CDPF1: variants seen among roughly 807,000 people sequenced by gnomAD.
CDPF1 encodes the protein cysteine rich DPF motif domain containing 1.
Under a neutral mutation model 8.3 loss-of-function variants are expected in CDPF1, and 8 were observed. The observed-to-expected ratio is 0.96, with a 90% CI of 0.57 to 1.74. The LOEUF is 1.74. CDPF1 is among the 40% of genes most tolerant of loss of function. The pLI, the probability that CDPF1 is intolerant of heterozygous loss-of-function variation, is 0.00. For missense variants in CDPF1, 151 were observed against 155.3 expected, an observed-to-expected ratio of 0.97 and a Z score of 0.15; for synonymous variants, 62 against 62.9, an observed-to-expected ratio of 0.99 and a Z score of 0.07.
In CDPF1 at chr22:46,250,266, G is replaced by C. The variant is rs1936559399; in HGVS notation, c.-11C>G. 1 of 152,418 alleles carries C rather than the reference G, an allele frequency of 6.6e-6. No individual in the cohort carries two copies. The highest frequency in any genetic ancestry group is 2.1e-4 in the South Asian group (1 of 4,836). 9.4% of individuals were successfully genotyped at this position (152,418 alleles called of 1,614,324 possible). On this transcript the variant is annotated 5_prime_UTR_variant, in exon 1 of 4. Coordinates refer to ENST00000314567, the MANE Select transcript of CDPF1 (RefSeq NM_207327.5). ...CCACCTCGAACTCACCGCCGCCCTC[G>C]TCCCACGGCTCCGCGTCCAAGGCGC...
rs781296839 is a variant in CDPF1, at chr22:46,245,219, G to C, written c.245C>G (p.Ser82Cys). Reference protein sequence around the residue: ...CVGPECSLFYSKRFCLPCVRE... With the variant: ...CVGPECSLFYCKRFCLPCVRE... ...GACACAAGGGAGGCAGAATCTCTTG[G>C]AGTAGAATAAACTGCATTCCTTAAA... Residue 82 changes from serine to cysteine, a missense_variant, in exon 4 of 4, where the codon TCC (serine) becomes TGC (cysteine). By Grantham distance (112) the Ser-to-Cys change is moderately radical. Coordinates refer to ENST00000314567, the MANE Select transcript of CDPF1 (RefSeq NM_207327.5). The surrounding 1 kb of genome is among the most constrained non-coding windows in gnomAD (Gnocchi z 6.9). 1 of 1,614,162 alleles carries C rather than the reference G, an allele frequency of 6.2e-7. No homozygotes were observed. Among genetic ancestry groups the C allele is most frequent in the Non-Finnish European group, 8.5e-7 (1 of 1,179,996 alleles).
Position 46,250,277 on chromosome 22 carries a change from C to T in CDPF1, c.-22G>A, listed in dbSNP as rs1936559772. The T allele has an allele frequency of 6.6e-6, 1 of 152,488 alleles. No individual in the cohort carries two copies. The highest frequency in any genetic ancestry group is 2.1e-4 in the South Asian group (1 of 4,842). The allele number at this position is 152,488 out of a possible 1,614,324, so 9.4% of individuals were successfully genotyped here. A position where few individuals can be genotyped will look rare whatever the true frequency, so the allele number is the denominator to read the frequency against. On this transcript the variant is annotated 5_prime_UTR_variant, in exon 1 of 4. Transcript: ENST00000314567. ...TCACCGCCGCCCTCGTCCCACGGCTCCGCGTCCAAGGCGCCTGAGCGGCCC... is the reference window on the plus strand; with the variant it reads ...TCACCGCCGCCCTCGTCCCACGGCTTCGCGTCCAAGGCGCCTGAGCGGCCC...
Position 46,245,099 on chromosome 22 carries a change from C to T in CDPF1, c.365G>A (p.Arg122Gln), listed in dbSNP as rs778665135. 1.4e-5 allele frequency: 23 copies of T among 1,614,028 alleles called. No homozygotes were observed. Among genetic ancestry groups the T allele is most frequent in the Admixed American group, 8.3e-5 (5 of 60,008 alleles). The change falls in exon 4 of 4, where the codon CGG becomes CAG. Residue 122 changes from arginine to glutamine, a missense_variant. Physicochemically the swap from Arg to Gln is conservative, Grantham distance 43. Coordinates refer to ENST00000314567, the MANE Select transcript of CDPF1 (RefSeq NM_207327.5). This position sits in a 1 kb window ranked among gnomAD's most constrained non-coding sequence, Gnocchi z 6.9. ...SKRTPSQPGS[R>Q]T ...ACCTAGCCCCAGTTGCACTCACGTC[C>T]GAGAACCGGGCTGGCTGGGGGTCCT...
chr22:46,246,977 T>A lies in CDPF1; in HGVS notation c.225+133A>T. On this transcript the variant is annotated intron_variant, in intron 3 of 3. Coordinates refer to ENST00000314567, the MANE Select transcript of CDPF1 (RefSeq NM_207327.5). This position sits in a 1 kb window ranked among gnomAD's most constrained non-coding sequence, Gnocchi z 7.1. The stretch of plus-strand genomic sequence containing the variant: ...CTAGCTTGCCCTCTCACCTCTCCCC[T>A]TCATCAGCTGAGGGGCCCCATCTAT... 8.0e-7 allele frequency: 1 copy of A among 1,242,684 alleles called. No homozygotes were observed. The highest frequency in any genetic ancestry group is 1.1e-6 in the Non-Finnish European group (1 of 889,966). 77.0% of individuals were successfully genotyped at this position (1,242,684 alleles called of 1,614,324 possible).
rs764718994 is a variant in CDPF1, at chr22:46,247,222, C to G, written c.114-1G>C. 2 of 1,607,278 alleles carry G rather than the reference C, an allele frequency of 1.2e-6. No individual in the cohort carries two copies. Among genetic ancestry groups the G allele is most frequent in the South Asian group, 2.2e-5 (2 of 90,754 alleles). The stretch of plus-strand genomic sequence containing the variant: ...CATGACATAGCTTTCCTCCAGGAGG[C>G]TGCAGGAGAGTGAATGCAGCGTCAG... On this transcript the variant is annotated splice_acceptor_variant, in intron 2 of 3. Transcript: ENST00000314567. LOFTEE classifies it high-confidence loss of function. This position sits in a 1 kb window ranked among gnomAD's most constrained non-coding sequence, Gnocchi z 4.3.
At position 46,249,657 on chromosome 22, in the gene CDPF1, AAAAATT is replaced by A. The variant is rs1251533447; in HGVS notation, c.-1+593_-1+598del. Among the ~76,000 whole-genome samples the A allele has an allele frequency of 6.6e-6, 1 of 151,986 alleles. No homozygotes were observed. Among genetic ancestry groups the A allele is most frequent in the Non-Finnish European group, 1.5e-5 (1 of 67,998 alleles). The stretch of plus-strand genomic sequence containing the variant: ...GGGCGAGACTCCTTCTCAAAAAAAT[AAAAATT>A]AAAATTAAATAAAATAAAATATTAG... On this transcript the variant is annotated intron_variant, in intron 1 of 3. Transcript: ENST00000314567. This position sits in a 1 kb window ranked among gnomAD's most constrained non-coding sequence, Gnocchi z 4.6.
rs530465519 is a variant in CDPF1, at chr22:46,245,757, C to T, written c.226-519G>A. ...ACACTAGAACTCCCGAGATTCATCACGGTGCACAGCACGTGGCTAAGGATG... is the reference window on the plus strand; with the variant it reads ...ACACTAGAACTCCCGAGATTCATCATGGTGCACAGCACGTGGCTAAGGATG... On this transcript the variant is annotated intron_variant, in intron 3 of 3. Coordinates refer to ENST00000314567, the MANE Select transcript of CDPF1 (RefSeq NM_207327.5). This position sits in a 1 kb window ranked among gnomAD's most constrained non-coding sequence, Gnocchi z 6.9. 2.0e-5 allele frequency among the ~76,000 whole-genome samples: 3 copies of T among 152,342 alleles called. No homozygotes were observed. The highest frequency in any genetic ancestry group is 6.5e-5 in the Admixed American group (1 of 15,304).
Position 46,249,593 on chromosome 22 carries a change from G to A in CDPF1, c.-1+663C>T, listed in dbSNP as rs533643836. ...GAACCTAGGAGGCGGAGATTGCAGTGAGCCGAGATTGTGCCACTGTACTCC... is the reference window on the plus strand; with the variant it reads ...GAACCTAGGAGGCGGAGATTGCAGTAAGCCGAGATTGTGCCACTGTACTCC... On this transcript the variant is annotated intron_variant, in intron 1 of 3. Transcript: ENST00000314567. This position sits in a 1 kb window ranked among gnomAD's most constrained non-coding sequence, Gnocchi z 4.6. Among the ~76,000 whole-genome samples, 10 of 152,272 alleles carry A rather than the reference G, an allele frequency of 6.6e-5. No homozygotes were observed. The South Asian group carries it at 2.1e-3, about 32-fold the overall frequency.
Position 46,249,719 on chromosome 22 carries a change from A to T in CDPF1, c.-1+537T>A, listed in dbSNP as rs1026789633. 7.8e-6 allele frequency among the ~76,000 whole-genome samples: 1 copy of T among 128,244 alleles called. No homozygotes were observed. Among genetic ancestry groups the T allele is most frequent in the African/African-American group, 3.0e-5 (1 of 33,174 alleles). 84.1% of individuals were successfully genotyped at this position (128,244 alleles called of 152,430 possible). A position where few individuals can be genotyped will look rare whatever the true frequency, so the allele number is the denominator to read the frequency against. ...CGTGGGGGCGGGCGCCTCTAATCTC[A>T]TCTACTCAGGAGACTGAGGTAGGAG... is the stretch of plus-strand genomic sequence containing the variant. On this transcript the variant is annotated intron_variant, in intron 1 of 3. Transcript: ENST00000314567. This position sits in a 1 kb window ranked among gnomAD's most constrained non-coding sequence, Gnocchi z 4.6.
At position 46,246,752 on chromosome 22, in the gene CDPF1, C is replaced by A; in HGVS notation, c.225+358G>T. The stretch of plus-strand genomic sequence containing the variant: ...CAGGACCTGGCACACAACAAGTGCT[C>A]ATGAAAGGACAGTCCCTTCTCCTGG... On this transcript the variant is annotated intron_variant, in intron 3 of 3. Transcript: ENST00000314567. The surrounding 1 kb of genome is among the most constrained non-coding windows in gnomAD (Gnocchi z 7.1). 1 of 1,602,034 alleles carries A rather than the reference C, an allele frequency of 6.2e-7. No homozygotes were observed.
chr22:46,244,954 C>T lies in CDPF1; in HGVS notation c.*138G>A. On this transcript the variant is annotated 3_prime_UTR_variant, in exon 4 of 4. Transcript: ENST00000314567. This position sits in a 1 kb window ranked among gnomAD's most constrained non-coding sequence, Gnocchi z 6.7. ...GCTGCTCCAAGCTGGACTCCAGCTC[C>T]CCTGGGCTGCAGTGCTGCTCCCAGT... 4 of 1,122,964 alleles carry T rather than the reference C, an allele frequency of 3.6e-6. No individual in the cohort carries two copies. The highest frequency in any genetic ancestry group is 5.1e-6 in the Non-Finnish European group (4 of 791,954). The allele number at this position is 1,122,964 out of a possible 1,614,324, so 69.6% of individuals were successfully genotyped here. A position where few individuals can be genotyped will look rare whatever the true frequency, so the allele number is the denominator to read the frequency against.
chr22:46,247,267 G>A lies in CDPF1; in HGVS notation c.114-46C>T, dbSNP rs779147273. ...CGTCAGAACAGCCCAAATCTCTGCC[G>A]TCGGAAAATCAGCCATGACCTATGG... On this transcript the variant is annotated intron_variant, in intron 2 of 3. Coordinates refer to ENST00000314567, the MANE Select transcript of CDPF1 (RefSeq NM_207327.5). This position sits in a 1 kb window ranked among gnomAD's most constrained non-coding sequence, Gnocchi z 4.3. 27 of 1,367,632 alleles carry A rather than the reference G, an allele frequency of 2.0e-5. No homozygotes were observed. The Admixed American group carries it at 2.0e-4, about 10-fold the overall frequency. The allele number at this position is 1,367,632 out of a possible 1,614,324, so 84.7% of individuals were successfully genotyped here.
rs1310707927 is a variant in CDPF1 at position 46,247,072 on chromosome 22, G to A, written c.225+38C>T. 1.3e-6 allele frequency: 2 copies of A among 1,523,098 alleles called. No individual in the cohort carries two copies. The highest frequency in any genetic ancestry group is 1.8e-6 in the Non-Finnish European group (2 of 1,101,914). The allele number at this position is 1,523,098 out of a possible 1,614,324, so 94.3% of individuals were successfully genotyped here. A position where few individuals can be genotyped will look rare whatever the true frequency, so the allele number is the denominator to read the frequency against. ...CAGGGAGAGCTCCAGGATAACCACA[G>A]CAAGGACAGGTGGCCCCAGCCCACG... On this transcript the variant is annotated intron_variant, in intron 3 of 3. Coordinates refer to ENST00000314567, the MANE Select transcript of CDPF1 (RefSeq NM_207327.5). The surrounding 1 kb of genome is among the most constrained non-coding windows in gnomAD (Gnocchi z 4.3).
chr22:46,248,124 C>A lies in CDPF1; in HGVS notation c.113+48G>T. On this transcript the variant is annotated intron_variant, in intron 2 of 3. Coordinates refer to ENST00000314567, the MANE Select transcript of CDPF1 (RefSeq NM_207327.5). The surrounding 1 kb of genome is among the most constrained non-coding windows in gnomAD (Gnocchi z 4.1). ...CCTAGGCACACCACCCACCAACCAG[C>A]ACTGGGCACAGGCCTCCCCGGCACT... 2 of 1,370,902 alleles carry A rather than the reference C, an allele frequency of 1.5e-6. No individual in the cohort carries two copies. Among genetic ancestry groups the A allele is most frequent in the Non-Finnish European group, 1.0e-6 (1 of 969,180 alleles). The allele number at this position is 1,370,902 out of a possible 1,614,324, so 84.9% of individuals were successfully genotyped here. A position where few individuals can be genotyped will look rare whatever the true frequency, so the allele number is the denominator to read the frequency against.
Position 46,244,972 on chromosome 22 carries a change from C to T in CDPF1, c.*120G>A. The T allele has an allele frequency of 7.6e-7, 1 of 1,316,776 alleles. No individual in the cohort carries two copies. The highest frequency in any genetic ancestry group is 1.0e-6 in the Non-Finnish European group (1 of 952,470). 81.6% of individuals were successfully genotyped at this position (1,316,776 alleles called of 1,614,324 possible). ...CCAGCTCCCCTGGGCTGCAGTGCTG[C>T]TCCCAGTGGTCCAGAAACAAGGCCA... On this transcript the variant is annotated 3_prime_UTR_variant, in exon 4 of 4. Transcript: ENST00000314567. The surrounding 1 kb of genome is among the most constrained non-coding windows in gnomAD (Gnocchi z 6.7).
At position 46,247,916 on chromosome 22, in the gene CDPF1, C is replaced by G. The variant is rs1936516284; in HGVS notation, c.113+256G>C. On this transcript the variant is annotated intron_variant, in intron 2 of 3. Coordinates refer to ENST00000314567, the MANE Select transcript of CDPF1 (RefSeq NM_207327.5). This position sits in a 1 kb window ranked among gnomAD's most constrained non-coding sequence, Gnocchi z 4.3. ...CCCAAAGGGGGAGGCCACCACAGGTCCCCCAGCTGCTGAGCTGCTCCCCCA... is the reference window on the plus strand; with the variant it reads ...CCCAAAGGGGGAGGCCACCACAGGTGCCCCAGCTGCTGAGCTGCTCCCCCA... 6.6e-6 allele frequency among the ~76,000 whole-genome samples: 1 copy of G among 152,216 alleles called. No individual in the cohort carries two copies. Among genetic ancestry groups the G allele is most frequent in the African/African-American group, 2.4e-5 (1 of 41,456 alleles).
At position 46,248,137 on chromosome 22, in the gene CDPF1, C is replaced by T. The variant is rs1323129520; in HGVS notation, c.113+35G>A. The T allele has an allele frequency of 3.3e-6, 5 of 1,501,612 alleles. No individual in the cohort carries two copies. In the African/African-American group the frequency reaches 5.5e-5, roughly 17 times the overall value. The allele number at this position is 1,501,612 out of a possible 1,614,324, so 93.0% of individuals were successfully genotyped here. On this transcript the variant is annotated intron_variant, in intron 2 of 3. Coordinates refer to ENST00000314567, the MANE Select transcript of CDPF1 (RefSeq NM_207327.5). This position sits in a 1 kb window ranked among gnomAD's most constrained non-coding sequence, Gnocchi z 4.1. ...CCCACCAACCAGCACTGGGCACAGG[C>T]CTCCCCGGCACTGGCCCAAAAGGCA...
In CDPF1 at chr22:46,245,746, G is replaced by A. The variant is rs1248447101; in HGVS notation, c.226-508C>T. Among the ~76,000 whole-genome samples, 1 of 152,216 alleles carries A rather than the reference G, an allele frequency of 6.6e-6. No homozygotes were observed. The highest frequency in any genetic ancestry group is 1.9e-4 in the East Asian group (1 of 5,196). ...CTCTCTCTTACACACTAGAACTCCCGAGATTCATCACGGTGCACAGCACGT... is the reference window on the plus strand; with the variant it reads ...CTCTCTCTTACACACTAGAACTCCCAAGATTCATCACGGTGCACAGCACGT... On this transcript the variant is annotated intron_variant, in intron 3 of 3. Transcript: ENST00000314567. The surrounding 1 kb of genome is among the most constrained non-coding windows in gnomAD (Gnocchi z 6.9).
At position 46,249,928 on chromosome 22, in the gene CDPF1, T is replaced by C. The variant is rs1936551689; in HGVS notation, c.-1+328A>G. Among the ~76,000 whole-genome samples, 1 of 152,166 alleles carries C rather than the reference T, an allele frequency of 6.6e-6. No homozygotes were observed. Among genetic ancestry groups the C allele is most frequent in the Admixed American group, 6.5e-5 (1 of 15,286 alleles). ...TTCTCTTCTGCACGCCGGGGCGTCC[T>C]AGGCCCCTGCCGAGGCTCCTGGGGG... On this transcript the variant is annotated intron_variant, in intron 1 of 3. Coordinates refer to ENST00000314567, the MANE Select transcript of CDPF1 (RefSeq NM_207327.5). This position sits in a 1 kb window ranked among gnomAD's most constrained non-coding sequence, Gnocchi z 4.6.
Sources: gnomAD v4.1 joint callset for allele counts (sites outside exome capture counted in the v4.1 genomes callset) on GRCh38, gnomAD v4.1.1 for gene constraint, Gnocchi (gnomAD v3.1) non-coding constraint, MANE v1.5 for transcripts, NCBI Gene and HGNC (gene_info 2026-07-23, HGNC 2026-07-21) for gene names.